The following SLC24A4 variants were observed in gnomAD, a reference collection of about 807,000 sequenced individuals.
SLC24A4 encodes the protein solute carrier family 24 member 4.
SLC24A4 carries 53 observed loss-of-function variants against 79.0 expected under a neutral mutation model. That is an observed-to-expected ratio of 0.67 (90% CI 0.54 to 0.84). The LOEUF (loss-of-function observed/expected upper bound fraction) is 0.84, where lower values mean the gene tolerates loss of function less well. SLC24A4 is among the 40% of genes least tolerant of loss of function. SLC24A4 has a pLI of 0.00. For missense variants in SLC24A4, 731 were observed against 822.0 expected (o/e 0.89, Z 1.35); for synonymous variants, 323 against 323.8 (o/e 1.00, Z 0.03).
intron 2 of SLC24A4, among the ~76,000 whole-genome samples, chr14:92,351,236 G>GCGCACACACACACACA (rs112120101): frequency 6.8e-6 from 1 of 146,986 alleles, no homozygotes; most frequent in African/African-American, 2.5e-5. Context: ...ACACATACAC[G>GCGCACACACACACACA]CACACACACA....
intron 2 of SLC24A4, among the ~76,000 whole-genome samples, chr14:92,372,650 T>C (rs1284573878): frequency 1.3e-5 from 2 of 152,234 alleles, no homozygotes; most frequent in East Asian, 3.9e-4. Flanking sequence ...TCTAGCAAAA[T>C]GTGCCTGCGT....
chr14:92,333,817 G>A (rs78152587), intron 2 of SLC24A4, among the ~76,000 whole-genome samples: 27 of 151,966 alleles, frequency 1.8e-4, no homozygotes, highest in Non-Finnish European at 3.1e-4. Context: ...TGTGGGGTGC[G>A]GGGGGAGAGG....
At chr14:92,431,462 G>C (rs143721212) in intron 2 of SLC24A4, among the ~76,000 whole-genome samples, 11 of 152,346 alleles carry the variant, frequency 7.2e-5, no homozygotes, top group Admixed American at 1.3e-4. Context: ...GTTGCTGTCA[G>C]TGACAAGGGT....
chr14:92,434,472 T>C (rs1383461634), intron 3 of SLC24A4, among the ~76,000 whole-genome samples: 1 of 152,214 alleles, frequency 6.6e-6, no homozygotes, highest in Non-Finnish European at 1.5e-5. Context: ...GTGAGACATA[T>C]TCAGTATCAC....
At chr14:92,412,867 C>A (rs1024952670) in intron 2 of SLC24A4, among the ~76,000 whole-genome samples, 1 of 152,146 alleles carries the variant, frequency 6.6e-6, no homozygotes, top group Non-Finnish European at 1.5e-5. Flanking sequence ...ATACGTCCTG[C>A]AAGCCAAAAA....
Position 92,442,792 on chromosome 14 carries a change from A to C in SLC24A4, c.558A>C (p.Gly186=), listed in dbSNP as rs1352737647. 6.2e-7 allele frequency: 1 copy of C among 1,613,824 alleles called. No homozygotes were observed. The highest frequency in any genetic ancestry group is 1.1e-5 in the South Asian group (1 of 91,064). Residue 186 remains glycine, a synonymous_variant, in exon 6 of 17, where the codon GGA becomes GGC. Coordinates refer to ENST00000532405, the MANE Select transcript of SLC24A4 (RefSeq NM_153646.4). ...SAVFNILCII[G]VCGLFAGQVV... is the part of the protein sequence containing the mutation. Reference sequence around the variant, plus strand: ...TGTTCAACATCCTGTGCATAATTGGAGTGTGCGGACTGTTTGCTGGCCAGG... The same window carrying C: ...TGTTCAACATCCTGTGCATAATTGGCGTGTGCGGACTGTTTGCTGGCCAGG...
rs1269459725 is a variant in SLC24A4, at chr14:92,456,558, C to T, written c.1205C>T (p.Pro402Leu). 6.2e-7 allele frequency: 1 copy of T among 1,614,052 alleles called. No individual in the cohort carries two copies. Among genetic ancestry groups the T allele is most frequent in the Admixed American group, 1.7e-5 (1 of 60,028 alleles). Residue 402 changes from proline to leucine, a missense_variant, in exon 12 of 17, where the codon CCA becomes CTA. Transcript: ENST00000532405. Reference protein sequence around the residue: ...EQQPPPQPPPPEPEPVEADFL... With the variant: ...EQQPPPQPPPLEPEPVEADFL... ...CAGCCGCCGCCACAGCCACCACCGC[C>T]AGAGCCAGAGCCGGTGGAGGCTGAC... is the stretch of plus-strand genomic sequence containing the variant.
At chr14:92,449,289 CACA>C (rs1333093665) in intron 10 of SLC24A4, 73 bp downstream of exon 10, 3 of 339,678 alleles carry the variant, frequency 8.8e-6, no homozygotes, top group Non-Finnish European at 1.3e-5. Flanking sequence ...TGTACACACA[CACA>C]CACACACACA....
chr14:92,332,295 A>G (rs1476632902), intron 2 of SLC24A4, among the ~76,000 whole-genome samples: 1 of 152,122 alleles, frequency 6.6e-6, no homozygotes, highest in African/African-American at 2.4e-5. Flanking sequence ...AAAACAAAAA[A>G]CAAAAAACCA....
In SLC24A4 at chr14:92,435,453, A is replaced by G. The variant is rs372785461; in HGVS notation, c.318+1465A>G. 1.1e-3 allele frequency among the ~76,000 whole-genome samples: 175 copies of G among 152,328 alleles called. 1 individual carries two copies. In the South Asian group the frequency reaches 0.016, roughly 14 times the overall value. On this transcript the variant is annotated intron_variant, in intron 3 of 16. Transcript: ENST00000532405. ...GACTGCCTGGCCCAGAAAGCCAAAC[A>G]TATTTATTATCTGCCCCTTTACAGA... is the stretch of plus-strand genomic sequence containing the variant.
At chr14:92,411,472 C>T (rs11624887) in intron 2 of SLC24A4, among the ~76,000 whole-genome samples, 30,208 of 152,080 alleles carry the variant, frequency 0.2, 3,179 homozygotes, top group Middle Eastern at 0.23. Flanking sequence ...TCTCTGAGAC[C>T]AGGTAATTCC....
At chr14:92,477,889 C>T (rs12590959) in intron 12 of SLC24A4, among the ~76,000 whole-genome samples, 137,866 of 151,482 alleles carry the variant, frequency 0.91, 63,677 homozygotes, top group Non-Finnish European at 0.99. Flanking sequence ...TTCAAGTGAT[C>T]CTCATTCCAT....
intron 2 of SLC24A4, among the ~76,000 whole-genome samples, chr14:92,414,976 T>G (rs552236628): frequency 2.0e-5 from 3 of 152,326 alleles, no homozygotes; most frequent in African/African-American, 7.2e-5. Context: ...CTTGCCACGA[T>G]GCGTGGTGCA....
intron 2 of SLC24A4, among the ~76,000 whole-genome samples, chr14:92,403,287 A>G (rs1890206567): frequency 6.6e-6 from 1 of 152,074 alleles, no homozygotes; most frequent in Non-Finnish European, 1.5e-5. Context: ...CGCACACAGA[A>G]TTAGTTCAAG....
chr14:92,454,244 T>C (rs1447413439), intron 11 of SLC24A4, among the ~76,000 whole-genome samples, 175 bp downstream of exon 11: 1 of 152,230 alleles, frequency 6.6e-6, no homozygotes, highest in Non-Finnish European at 1.5e-5. Context: ...GAAGAGATAT[T>C]TTAAAGCCTG....
At chr14:92,461,150 G>A in intron 12 of SLC24A4, among the ~76,000 whole-genome samples, 1 of 152,202 alleles carries the variant, frequency 6.6e-6, no homozygotes, top group East Asian at 1.9e-4. Context: ...CATAGTCTGG[G>A]GAATCTTGTG....
In SLC24A4 at chr14:92,387,246, G is replaced by A. The variant is rs191331768; in HGVS notation, c.242-46666G>A. ...GGCTGGAGAGCAGTGGCGAGATCTCGGCTCACTGCAGCCTCCACCTCCCAG... is the reference window on the plus strand; with the variant it reads ...GGCTGGAGAGCAGTGGCGAGATCTCAGCTCACTGCAGCCTCCACCTCCCAG... On this transcript the variant is annotated intron_variant, in intron 2 of 16. Transcript: ENST00000532405. Among the ~76,000 whole-genome samples the A allele has an allele frequency of 3.2e-3, 490 of 151,010 alleles. 5 individuals carry two copies. The East Asian group carries it at 0.049, about 15-fold the overall frequency.
At chr14:92,385,115 A>C (rs1431142806) in intron 2 of SLC24A4, among the ~76,000 whole-genome samples, 1 of 152,234 alleles carries the variant, frequency 6.6e-6, no homozygotes, top group African/African-American at 2.4e-5. Context: ...CGCAGTTACC[A>C]GCTGATTGAT....
chr14:92,422,130 C>T (rs1277295370), intron 2 of SLC24A4, among the ~76,000 whole-genome samples: 1 of 152,246 alleles, frequency 6.6e-6, no homozygotes, highest in African/African-American at 2.4e-5. Context: ...TAAGGGCAGG[C>T]ACTTTTGCCT....
Sources: gnomAD v4.1 joint callset for allele counts (sites outside exome capture counted in the v4.1 genomes callset) on GRCh38, gnomAD v4.1.1 for gene constraint, MANE v1.5 for transcripts, NCBI Gene and HGNC (gene_info 2026-07-23, HGNC 2026-07-21) for gene names.